NLGN1: variants seen among roughly 807,000 people sequenced by gnomAD.
NLGN1 encodes neuroligin-1.
A neutral mutation model predicts 65.5 loss-of-function variants in NLGN1; 12 were observed. The ratio of observed to expected loss-of-function variants is 0.18; its 90% CI spans 0.12 to 0.30. The LOEUF (loss-of-function observed/expected upper bound fraction) is 0.30. NLGN1 is among the 10% of genes least tolerant of loss of function. The pLI is 1.00. For synonymous variants in NLGN1, 350 were observed against 359.5 expected, an observed-to-expected ratio of 0.97 and a Z score of 0.30; for missense variants, 750 against 1,007.1, an observed-to-expected ratio of 0.74 and a Z score of 3.46.
intron 4 of NLGN1, among the ~76,000 whole-genome samples, chr3:173,831,967 T>G (rs2150600249): frequency 6.6e-6 from 1 of 152,030 alleles, no homozygotes; most frequent in Admixed American, 6.6e-5. Context: ...TCTTTTTCTT[T>G]TTCTTTTTGA....
chr3:173,539,357 T>G (rs1370783406), intron 2 of NLGN1, among the ~76,000 whole-genome samples: 1 of 149,526 alleles, frequency 6.7e-6, no homozygotes, highest in African/African-American at 2.5e-5. Flanking sequence ...AGGATCTGTT[T>G]GGGCTCCATC....
rs568763160 is a variant in NLGN1 at position 174,281,303 on chromosome 3, G to A, written c.2472G>A (p.Ter824=). The stretch of plus-strand genomic sequence containing the variant: ...ATTCACATTCAACAACCAGGGTATA[G>A]CCAGATAAGAGAAACAAACTATTTT... Residue 824 remains the stop codon, a stop_retained_variant, in exon 7 of 7, where the codon TAG becomes TAA. Coordinates refer to ENST00000457714, the Ensembl canonical transcript of NLGN1. 49 of 1,589,448 alleles carry A rather than the reference G, an allele frequency of 3.1e-5. No individual in the cohort carries two copies. The East Asian group carries it at 8.3e-4, about 27-fold the overall frequency.
At chr3:173,543,448 T>G (rs1296973608) in intron 2 of NLGN1, among the ~76,000 whole-genome samples, 1 of 152,158 alleles carries the variant, frequency 6.6e-6, no homozygotes, top group Non-Finnish European at 1.5e-5. Flanking sequence ...AAACTCCTGA[T>G]GTATACTTAT....
At chr3:173,634,271 AAAAAAG>A (rs1437889508) in intron 3 of NLGN1, among the ~76,000 whole-genome samples, 1 of 152,150 alleles carries the variant, frequency 6.6e-6, no homozygotes, top group Non-Finnish European at 1.5e-5. Context: ...TTTAAAAATA[AAAAAAG>A]AAAATTATTT....
intron 4 of NLGN1, among the ~76,000 whole-genome samples, chr3:173,959,538 G>GT (rs1229474601): frequency 6.6e-6 from 1 of 152,108 alleles, no homozygotes; most frequent in Non-Finnish European, 1.5e-5. Flanking sequence ...GAACCATATA[G>GT]TTTTTTCCCA....
intron 2 of NLGN1, among the ~76,000 whole-genome samples, chr3:173,594,045 G>A (rs1749014616): frequency 6.6e-6 from 1 of 152,128 alleles, no homozygotes; most frequent in South Asian, 2.1e-4. Flanking sequence ...AGAGTTGGGT[G>A]GGGACATAGA....
intron 4 of NLGN1, among the ~76,000 whole-genome samples, chr3:174,224,698 C>CA (rs961904821): frequency 7.3e-5 from 11 of 150,572 alleles, no homozygotes; most frequent in East Asian, 3.9e-4. Context: ...GACTCGGTCT[C>CA]AAAAAAAAAG....
intron 3 of NLGN1, among the ~76,000 whole-genome samples, chr3:173,687,329 T>A (rs555726080): frequency 6.6e-6 from 1 of 152,366 alleles, no homozygotes; most frequent in Non-Finnish European, 1.5e-5. Flanking sequence ...AAAGTAATTT[T>A]AAAATGATAT....
intron 3 of NLGN1, among the ~76,000 whole-genome samples, chr3:173,611,417 A>G (rs562274738): frequency 6.6e-6 from 1 of 152,180 alleles, no homozygotes; most frequent in South Asian, 2.1e-4. Context: ...CAAAAACAGC[A>G]CAAAGCAACA....
chr3:174,195,580 G>A (rs927726391), intron 4 of NLGN1, among the ~76,000 whole-genome samples: 1 of 152,154 alleles, frequency 6.6e-6, no homozygotes, highest in Non-Finnish European at 1.5e-5. Flanking sequence ...TGAGGGATTA[G>A]AGAAATCTCT....
chr3:173,757,318 G>A (rs1011549164), intron 3 of NLGN1, among the ~76,000 whole-genome samples: 1 of 151,960 alleles, frequency 6.6e-6, no homozygotes, highest in Non-Finnish European at 1.5e-5. Context: ...ATCCTGATAT[G>A]TTGGAAGATG....
intron 4 of NLGN1, among the ~76,000 whole-genome samples, chr3:174,266,765 A>G (rs1048456135): frequency 6.6e-6 from 1 of 152,098 alleles, no homozygotes; most frequent in African/African-American, 2.4e-5. Flanking sequence ...ACTCTTTTCC[A>G]TGGAATAGTT....
intron 3 of NLGN1, among the ~76,000 whole-genome samples, chr3:173,796,566 C>T (rs554964447): frequency 1.3e-5 from 2 of 152,182 alleles, no homozygotes; most frequent in South Asian, 4.1e-4. Context: ...CACTCCCTTT[C>T]AAAATGACAG....
rs944114457 is a variant in NLGN1 at position 173,445,285 on chromosome 3, A to C, written c.-321+10207A>C. ...TCCGTCTCAAAAAAAAAAAAAAAAAAAAAAAAAAAACAAGGACTTGTGTGA... is the reference window on the plus strand; with the variant it reads ...TCCGTCTCAAAAAAAAAAAAAAAAACAAAAAAAAAACAAGGACTTGTGTGA... On this transcript the variant is annotated intron_variant, in intron 2 of 6. Coordinates refer to ENST00000457714, the Ensembl canonical transcript of NLGN1. Among the ~76,000 whole-genome samples, 7 of 147,424 alleles carry C rather than the reference A, an allele frequency of 4.7e-5. No individual in the cohort carries two copies. The South Asian group carries it at 6.6e-4, about 14-fold the overall frequency.
At chr3:173,636,062 T>C (rs1756532617) in intron 3 of NLGN1, among the ~76,000 whole-genome samples, 1 of 152,184 alleles carries the variant, frequency 6.6e-6, no homozygotes, top group Non-Finnish European at 1.5e-5. Flanking sequence ...TAATCTGTTA[T>C]TTGGTAAATT....
chr3:174,063,497 G>C (rs1393140764), intron 4 of NLGN1, among the ~76,000 whole-genome samples: 1 of 152,030 alleles, frequency 6.6e-6, no homozygotes, highest in Admixed American at 6.6e-5. Flanking sequence ...GTACACTAAT[G>C]TCTGTTTAAA....
downstream of NLGN1, among the ~76,000 whole-genome samples, chr3:174,290,837 C>T (rs775124348): frequency 1.3e-5 from 2 of 150,678 alleles, no homozygotes; most frequent in Non-Finnish European, 3.0e-5. Flanking sequence ...AATATATAAA[C>T]TTATCAGAAC....
chr3:173,697,174 GT>G (rs527956257), intron 3 of NLGN1, among the ~76,000 whole-genome samples: 33 of 152,276 alleles, frequency 2.2e-4, no homozygotes, highest in African/African-American at 7.9e-4. Context: ...ATAGATACAT[GT>G]TTTAATTACA....
intron 2 of NLGN1, among the ~76,000 whole-genome samples, chr3:173,441,589 A>G (rs751710450): frequency 6.6e-6 from 1 of 152,198 alleles, no homozygotes; most frequent in Non-Finnish European, 1.5e-5. Flanking sequence ...TGGAGCAGTC[A>G]GAACACACAT....
Sources: allele counts gnomAD v4.1 joint callset (sites outside exome capture counted in the v4.1 genomes callset), GRCh38; gene constraint gnomAD v4.1.1; transcripts MANE v1.5; gene names NCBI Gene and HGNC (gene_info 2026-07-23, HGNC 2026-07-21).